SLC4A10: variants seen among roughly 807,000 people sequenced by gnomAD.
SLC4A10 encodes solute carrier family 4 member 10, also known as sodium-driven chloride bicarbonate exchanger.
A neutral mutation model predicts 137.7 loss-of-function variants in SLC4A10; 42 were observed. The observed-to-expected ratio is 0.30, with a 90% CI of 0.24 to 0.39. The LOEUF (loss-of-function observed/expected upper bound fraction) is 0.39, where lower values mean the gene tolerates loss of function less well. Ranked by LOEUF, SLC4A10 falls within the 10% of genes least tolerant of loss-of-function variation. The pLI is 1.00. For missense variants in SLC4A10, 925 were observed against 1,355.0 expected (o/e 0.68, Z 4.98); for synonymous variants, 474 against 464.1 (o/e 1.02, Z -0.27).
intron 1 of SLC4A10, among the ~76,000 whole-genome samples, chr2:161,670,168 CT>C (rs2039523719): frequency 6.6e-6 from 1 of 152,012 alleles, no homozygotes; most frequent in Admixed American, 6.6e-5. Context: ...TTATTTTAGT[CT>C]TTAGGGTCTT....
At chr2:161,660,608 CT>C (rs1574174681) in intron 1 of SLC4A10, among the ~76,000 whole-genome samples, 2 of 148,162 alleles carry the variant, frequency 1.3e-5, no homozygotes, top group East Asian at 3.9e-4. Context: ...TTCTTTCTTT[CT>C]TTCTTTCTTT....
At chr2:161,757,920 T>G (rs1273644962) in intron 1 of SLC4A10, among the ~76,000 whole-genome samples, 5 of 152,072 alleles carry the variant, frequency 3.3e-5, no homozygotes. Flanking sequence ...TAATTTTTGG[T>G]CTTGTGAAGA....
intron 2 of SLC4A10, among the ~76,000 whole-genome samples, chr2:161,794,895 T>C (rs961065318): frequency 5.3e-5 from 8 of 152,094 alleles, no homozygotes; most frequent in Admixed American, 2.6e-4. Flanking sequence ...AAGCCAGCTC[T>C]AGCATACCAC....
At chr2:161,895,271 C>T (rs2063345138) in intron 11 of SLC4A10, among the ~76,000 whole-genome samples, 1 of 152,052 alleles carries the variant, frequency 6.6e-6, no homozygotes, top group Admixed American at 6.6e-5. Flanking sequence ...CATAGTATTC[C>T]ATGGTGTATA....
chr2:161,630,191 T>C (rs1363882042), intron 1 of SLC4A10, among the ~76,000 whole-genome samples: 1 of 151,826 alleles, frequency 6.6e-6, no homozygotes, highest in Admixed American at 6.6e-5. Flanking sequence ...CTTACCAGCA[T>C]TTGGTGTTGT....
At chr2:161,642,474 T>G (rs2035447723) in intron 1 of SLC4A10, among the ~76,000 whole-genome samples, 1 of 152,066 alleles carries the variant, frequency 6.6e-6, no homozygotes, top group Admixed American at 6.5e-5. Context: ...TTTACTTTTC[T>G]CTTAAAAATA....
intron 15 of SLC4A10, among the ~76,000 whole-genome samples, chr2:161,923,691 G>A (rs1688544870): frequency 6.6e-6 from 1 of 151,898 alleles, no homozygotes; most frequent in Non-Finnish European, 1.5e-5. Context: ...GGGGGAGTGG[G>A]GAAGGATAGC....
At chr2:161,863,680 A>C (rs983983492) in intron 6 of SLC4A10, among the ~76,000 whole-genome samples, 2 of 152,144 alleles carry the variant, frequency 1.3e-5, no homozygotes, top group Non-Finnish European at 2.9e-5. Flanking sequence ...ATAGATGACC[A>C]CCATTGTTTC....
chr2:161,690,375 A>T (rs1434135805), intron 1 of SLC4A10, among the ~76,000 whole-genome samples: 1 of 152,192 alleles, frequency 6.6e-6, no homozygotes, highest in Non-Finnish European at 1.5e-5. Context: ...CCATTGTGGA[A>T]GACAGTGTGG....
At chr2:161,691,677 C>T (rs1047424868) in intron 1 of SLC4A10, among the ~76,000 whole-genome samples, 5 of 152,042 alleles carry the variant, frequency 3.3e-5, no homozygotes, top group Admixed American at 3.3e-4. Flanking sequence ...ATACGCAATT[C>T]TGTGACTTTC....
At chr2:161,934,005 A>T (rs1691110339) in intron 15 of SLC4A10, among the ~76,000 whole-genome samples, 1 of 151,632 alleles carries the variant, frequency 6.6e-6, no homozygotes, top group African/African-American at 2.4e-5. Flanking sequence ...TTTCATCTTT[A>T]AAAAAAAATT....
At chr2:161,737,783 T>C (rs910672491) in intron 1 of SLC4A10, among the ~76,000 whole-genome samples, 5 of 152,176 alleles carry the variant, frequency 3.3e-5, no homozygotes, top group African/African-American at 1.2e-4. Flanking sequence ...GGTAGAGTTC[T>C]TTAGAAATAA....
intron 1 of SLC4A10, among the ~76,000 whole-genome samples, chr2:161,717,562 T>C (rs1032667765): frequency 6.6e-6 from 1 of 152,126 alleles, no homozygotes; most frequent in Non-Finnish European, 1.5e-5. Flanking sequence ...CGTGGCTTTT[T>C]TCTTTAGTTC....
intron 15 of SLC4A10, among the ~76,000 whole-genome samples, chr2:161,938,800 CAAG>C (rs1692100728): frequency 6.7e-6 from 1 of 149,782 alleles, no homozygotes; most frequent in Non-Finnish European, 1.5e-5. Context: ...AGGGCTGACA[CAAG>C]AAGAACTAAT....
At chr2:161,634,749 A>T (rs948687729) in intron 1 of SLC4A10, among the ~76,000 whole-genome samples, 3 of 151,984 alleles carry the variant, frequency 2.0e-5, no homozygotes, top group Non-Finnish European at 4.4e-5. Context: ...TTTGAAATAT[A>T]CAATATATGT....
At chr2:161,970,282 A>C (rs1222180852) in intron 23 of SLC4A10, among the ~76,000 whole-genome samples, 1 of 151,370 alleles carries the variant, frequency 6.6e-6, no homozygotes. Flanking sequence ...CTCTATATAG[A>C]CTCTCCATTT....
chr2:161,838,688 G>A (rs2058977473), intron 3 of SLC4A10, among the ~76,000 whole-genome samples: 1 of 152,170 alleles, frequency 6.6e-6, no homozygotes, highest in African/African-American at 2.4e-5. Flanking sequence ...CACTTTGCCA[G>A]AGAATAAATA....
chr2:161,845,043 A>G (rs1265996371), intron 4 of SLC4A10, among the ~76,000 whole-genome samples: 1 of 152,130 alleles, frequency 6.6e-6, no homozygotes, highest in Non-Finnish European at 1.5e-5. Context: ...ATGTCAGCAG[A>G]GTTTATTTGA....
At chr2:161,819,507 T>G (rs970504042) in intron 3 of SLC4A10, among the ~76,000 whole-genome samples, 3 of 152,156 alleles carry the variant, frequency 2.0e-5, no homozygotes, top group African/African-American at 4.8e-5. Context: ...TTCACTTTTT[T>G]TTTTTGAGAC....
Sources: allele counts gnomAD v4.1 joint callset (sites outside exome capture counted in the v4.1 genomes callset), GRCh38; gene constraint gnomAD v4.1.1; transcripts MANE v1.5; gene names NCBI Gene and HGNC (gene_info 2026-07-23, HGNC 2026-07-21).